The following CCDC171 variants were observed in gnomAD, a reference collection of about 807,000 sequenced individuals.
CCDC171 encodes the protein coiled-coil domain containing 171, also known as coiled-coil domain-containing protein 171.
CCDC171 carries 177 observed loss-of-function variants against 168.2 expected under a neutral mutation model. That is an observed-to-expected ratio of 1.05 (90% CI 0.93 to 1.19). CCDC171 has a LOEUF of 1.19. Among genes scored for constraint, CCDC171 ranks in the 50% most tolerant of loss-of-function variants. CCDC171 has a pLI of 0.00. For missense variants in CCDC171, 1,991 were observed against 1,539.0 expected, an observed-to-expected ratio of 1.29 and a Z score of -4.91; for synonymous variants, 687 against 540.8, an observed-to-expected ratio of 1.27 and a Z score of -3.75.
At chr9:15,770,085 C>G (rs1029261869) in intron 18 of CCDC171, among the ~76,000 whole-genome samples, 2 of 151,872 alleles carry the variant, frequency 1.3e-5, no homozygotes, top group African/African-American at 4.8e-5. Context: ...TGTGAGAAGC[C>G]CTCCACTATG....
intron 2 of CCDC171, among the ~76,000 whole-genome samples, chr9:15,566,449 C>T (rs2039734694): frequency 6.6e-6 from 1 of 152,148 alleles, no homozygotes; most frequent in Non-Finnish European, 1.5e-5. Flanking sequence ...GTCCCAGCTA[C>T]TCCAGAGGCT....
chr9:15,827,878 A>G (rs914200568), intron 21 of CCDC171, among the ~76,000 whole-genome samples: 9 of 152,178 alleles, frequency 5.9e-5, no homozygotes, highest in Admixed American at 4.6e-4. Context: ...AGAATTCTCC[A>G]TACCCGATCT....
chr9:15,860,659 T>C (rs183434750), intron 23 of CCDC171, among the ~76,000 whole-genome samples: 1 of 152,132 alleles, frequency 6.6e-6, no homozygotes, highest in Non-Finnish European at 1.5e-5. Context: ...AAGACTTGTT[T>C]TGACACCTAA....
At chr9:15,691,874 C>G (rs1183644395) in intron 10 of CCDC171, among the ~76,000 whole-genome samples, 1 of 151,914 alleles carries the variant, frequency 6.6e-6, no homozygotes, top group African/African-American at 2.4e-5. Flanking sequence ...GATGGGATCT[C>G]ACTATGTTGC....
At chr9:15,698,051 G>A (rs2051352064) in intron 11 of CCDC171, among the ~76,000 whole-genome samples, 1 of 118,210 alleles carries the variant, frequency 8.5e-6, no homozygotes, top group African/African-American at 3.1e-5. Flanking sequence ...AAAACGTATT[G>A]TTGTTAACTG....
At chr9:15,890,015 G>A (rs900519549) in intron 24 of CCDC171, among the ~76,000 whole-genome samples, 4 of 152,290 alleles carry the variant, frequency 2.6e-5, no homozygotes, top group Admixed American at 1.3e-4. Flanking sequence ...TTAGAGACCA[G>A]TGTGAACTAA....
chr9:15,793,551 GTTTTTTTTTTTTTTTTTTTTT>G (rs3082839), intron 21 of CCDC171, among the ~76,000 whole-genome samples: 1 of 77,056 alleles, frequency 1.3e-5, no homozygotes, highest in Non-Finnish European at 2.2e-5. Context: ...TTATTCCAAG[GTTTTTTTTTTTTTTTTTTTTT>G]TTTTTTTTGA....
At chr9:15,602,064 A>G (rs540917483) in intron 6 of CCDC171, among the ~76,000 whole-genome samples, 113 of 152,316 alleles carry the variant, frequency 7.4e-4, no homozygotes, top group African/African-American at 2.5e-3. Context: ...GTTACTACGA[A>G]CAGTAACTTG....
At chr9:15,779,966 T>A (rs772329004) in intron 20 of CCDC171, among the ~76,000 whole-genome samples, 11 of 152,198 alleles carry the variant, frequency 7.2e-5, no homozygotes, top group Non-Finnish European at 1.5e-4. Context: ...AAGATTACCC[T>A]GAAACTTCAA....
chr9:16,097,096 C>T, the CCDC171 span, among the ~76,000 whole-genome samples: 1 of 152,136 alleles, frequency 6.6e-6, no homozygotes, highest in South Asian at 2.1e-4. Context: ...TGGAGTAACA[C>T]CCACTGAGCG....
upstream of CCDC171, among the ~76,000 whole-genome samples, chr9:16,042,392 G>A (rs1304082937): frequency 1.3e-5 from 2 of 152,190 alleles, no homozygotes; most frequent in African/African-American, 4.8e-5. Context: ...GCCTCTTGAG[G>A]CCAGGTGGCA....
chr9:15,685,055 T>C (rs957512192), intron 10 of CCDC171, among the ~76,000 whole-genome samples: 7 of 152,200 alleles, frequency 4.6e-5, no homozygotes, highest in African/African-American at 9.6e-5. Flanking sequence ...GGCAAATAAG[T>C]GAGTCCCTTT....
the CCDC171 span, among the ~76,000 whole-genome samples, chr9:16,106,341 G>A: frequency 9.9e-5 from 15 of 152,236 alleles, no homozygotes; most frequent in African/African-American, 2.9e-4. Context: ...CCCTTTCTGC[G>A]CCCCTCGCAC....
intron 2 of CCDC171, among the ~76,000 whole-genome samples, chr9:15,570,362 AT>A (rs1448647606): frequency 6.7e-6 from 1 of 149,804 alleles, no homozygotes; most frequent in African/African-American, 2.5e-5. Context: ...ATATACTCCT[AT>A]TTTTTTTAGT....
Position 15,891,073 on chromosome 9 carries a change from A to C in CCDC171, c.3600+16410A>C, listed in dbSNP as rs1820153179. Among the ~76,000 whole-genome samples the C allele has an allele frequency of 2.6e-5, 4 of 152,182 alleles. No homozygotes were observed. The South Asian group carries it at 6.2e-4, about 24-fold the overall frequency. On this transcript the variant is annotated intron_variant, in intron 24 of 25. Transcript: ENST00000380701. ...AGTAAACCACAAACAAGTACATCAA[A>C]TTCTTATAATTCTAGCTAAATGTGT...
chr9:15,787,121 C>G (rs776377778), intron 21 of CCDC171, among the ~76,000 whole-genome samples: 1 of 152,020 alleles, frequency 6.6e-6, no homozygotes, highest in Non-Finnish European at 1.5e-5. Flanking sequence ...TTTTAACTGA[C>G]AAATAATTGC....
intron 21 of CCDC171, among the ~76,000 whole-genome samples, chr9:15,807,654 T>C (rs1356201715): frequency 6.6e-6 from 1 of 152,032 alleles, no homozygotes; most frequent in Non-Finnish European, 1.5e-5. Context: ...CCTTACCTTA[T>C]GGATTTTTTT....
intron 21 of CCDC171, among the ~76,000 whole-genome samples, chr9:15,807,785 C>G (rs991579899): frequency 6.6e-6 from 1 of 151,570 alleles, no homozygotes; most frequent in East Asian, 1.9e-4. Context: ...TACCTTTTAG[C>G]TATCTCAGGC....
the CCDC171 span, among the ~76,000 whole-genome samples, chr9:16,091,886 A>G: frequency 6.6e-6 from 1 of 152,204 alleles, no homozygotes; most frequent in African/African-American, 2.4e-5. Flanking sequence ...TTTTAAAATT[A>G]CGATGTGAGT....
Sources: allele counts gnomAD v4.1 joint callset (sites outside exome capture counted in the v4.1 genomes callset), GRCh38; gene constraint gnomAD v4.1.1; transcripts MANE v1.5; gene names NCBI Gene and HGNC (gene_info 2026-07-23, HGNC 2026-07-21).